Variants in CES1 observed in about 807,000 individuals in gnomAD.
CES1 encodes the protein carboxylesterase 1, also known as liver carboxylesterase 1.
Under a neutral mutation model 53.0 loss-of-function variants are expected in CES1, and 50 were observed. The ratio of observed to expected loss-of-function variants is 0.94; its 90% CI spans 0.75 to 1.19. CES1 has a LOEUF of 1.19. CES1 is among the 50% of genes most tolerant of loss of function. The probability of loss-of-function intolerance (pLI) is 0.00; values close to 1 mark genes in which losing one functional copy is unlikely to be tolerated. For synonymous variants in CES1, 202 were observed against 210.1 expected (o/e 0.96, Z 0.33); for missense variants, 534 against 538.0 (o/e 0.99, Z 0.07).
chr16:55,810,234 T>C (rs1197311165), intron 11 of CES1, among the ~76,000 whole-genome samples: 1 of 152,134 alleles, frequency 6.6e-6, no homozygotes, highest in Non-Finnish European at 1.5e-5. Flanking sequence ...CAACGCATCT[T>C]GGATTGGATT....
At chr16:55,810,431 C>T (rs2031634346) in intron 11 of CES1, 86 bp downstream of exon 11, 27 of 1,557,164 alleles carry the variant, frequency 1.7e-5, no homozygotes, top group Non-Finnish European at 2.4e-5. Context: ...CAGCTGTTTC[C>T]ATGTCTGTCT....
chr16:55,830,821 G>GGAAGGTAA (rs1567509502), intron 1 of CES1, among the ~76,000 whole-genome samples: 6 of 133,446 alleles, frequency 4.5e-5, no homozygotes, highest in South Asian at 2.4e-4. Flanking sequence ...AAGGAAGGAA[G>GGAAGGTAA]GCAGGCAGGC....
At chr16:55,820,072 T>C in intron 6 of CES1, 1 of 590,978 alleles carries the variant, frequency 1.7e-6, no homozygotes, top group South Asian at 2.0e-5. Context: ...ATAGGAGGAG[T>C]GTGGTCACAG....
At chr16:55,831,809 C>T (rs1383323521) in intron 1 of CES1, among the ~76,000 whole-genome samples, 1 of 151,686 alleles carries the variant, frequency 6.6e-6, no homozygotes, top group Admixed American at 6.6e-5. Context: ...GACCCAGAGA[C>T]AGACCTAGGC....
intron 5 of CES1, among the ~76,000 whole-genome samples, chr16:55,821,114 G>A (rs1299410089): frequency 6.6e-6 from 1 of 151,908 alleles, no homozygotes; most frequent in Non-Finnish European, 1.5e-5. Context: ...GCTGGAAGAG[G>A]AGAATGCCAC....
At chr16:55,812,519 T>C (rs2031743013) in intron 9 of CES1, 5 of 331,650 alleles carry the variant, frequency 1.5e-5, no homozygotes, top group Middle Eastern at 9.6e-4. Context: ...TTCAGGGGAA[T>C]TACGCACACC....
At chr16:55,819,113 GA>G (rs2032065445) in intron 7 of CES1, among the ~76,000 whole-genome samples, 1 of 152,232 alleles carries the variant, frequency 6.6e-6, no homozygotes, top group Non-Finnish European at 1.5e-5. Flanking sequence ...AGAAAATCTA[GA>G]AAACTGGACC....
intron 1 of CES1, among the ~76,000 whole-genome samples, 159 bp from the exon 2 acceptor site, chr16:55,829,133 T>A (rs1409147179): frequency 2.0e-5 from 3 of 152,074 alleles, no homozygotes; most frequent in African/African-American, 7.3e-5. Context: ...ACGATCAATG[T>A]CCTCCCTAAC....
rs1319219188 is a variant in CES1 at position 55,810,931 on chromosome 16, A to G, written c.1166T>C (p.Leu389Pro). ...CCATGATTCCTAGACTCTTACAACA[A>G]GGGGATAGGACTTCCACAGGAGTGA... ...AMSLLWKSYP[L>P]VCIAKELIPE... Residue 389 changes from leucine to proline, a missense_variant, in exon 10 of 14, where the codon CTT becomes CCT. Physicochemically the swap from Leu to Pro is moderately conservative, Grantham distance 98. Coordinates refer to ENST00000360526, the MANE Select transcript of CES1 (RefSeq NM_001025195.2). 2 of 1,613,066 alleles carry G rather than the reference A, an allele frequency of 1.2e-6. No homozygotes were observed. The highest frequency in any genetic ancestry group is 4.5e-5 in the East Asian group (2 of 44,904).
intron 9 of CES1, among the ~76,000 whole-genome samples, chr16:55,811,216 AAAAAAAC>A (rs1454231972): frequency 4.4e-4 from 66 of 151,668 alleles, no homozygotes; most frequent in African/African-American, 1.1e-3. Context: ...TTTACAAAAA[AAAAAAAC>A]AAAAAACAAA....
chr16:55,826,231 T>G lies in CES1; in HGVS notation c.325A>C (p.Ile109Leu). 8 of 1,613,958 alleles carry G rather than the reference T, an allele frequency of 5.0e-6. No individual in the cohort carries two copies. The highest frequency in any genetic ancestry group is 1.3e-5 in the African/African-American group (1 of 75,032). The part of the protein sequence containing the change: ...SELFTNRKEN[I>L]PLKLSEDCLY... ...CAGTCTTCAGAAAGCTTGAGAGGAA[T>G]GTTCTCCTTTCGGTTTGTAAATAGC... is the stretch of plus-strand genomic sequence containing the variant. Residue 109 changes from isoleucine (I) to leucine (L), a missense_variant, in exon 3 of 14, where the codon ATT becomes CTT. Physicochemically the swap from Ile to Leu is conservative, Grantham distance 5. Coordinates refer to ENST00000360526, the MANE Select transcript of CES1 (RefSeq NM_001025195.2).
rs8192945 is a variant in CES1 at position 55,817,065 on chromosome 16, C to T, written c.907-103G>A. ...GTGTCAGGTTCTTCCCGCATCACTC[C>T]GTGAATTCGTATATCTATATGTGAC... On this transcript the variant is annotated intron_variant, in intron 7 of 13. Coordinates refer to ENST00000360526, the MANE Select transcript of CES1 (RefSeq NM_001025195.2). 219 of 1,238,238 alleles carry T rather than the reference C, an allele frequency of 1.8e-4. No homozygotes were observed. In the East Asian group the frequency reaches 4.1e-3, roughly 23 times the overall value. 76.7% of individuals were successfully genotyped at this position (1,238,238 alleles called of 1,614,324 possible). A position where few individuals can be genotyped will look rare whatever the true frequency, so the allele number is the denominator to read the frequency against.
Position 55,810,599 on chromosome 16 carries a change from G to C in CES1, c.1236C>G (p.Val412=). The change falls in exon 11 of 14, where the codon GTC becomes GTG. Residue 412 remains valine (V), a synonymous_variant. Transcript: ENST00000360526. The part of the protein sequence containing the change: ...EKYLGGTDDT[V]KKKDLFLDLI... ...AGTCCAGGAACAGGTCTTTCTTTTTGACAGTGTCGTCTGTTCCTCCTAAGT... is the reference window on the plus strand; with the variant it reads ...AGTCCAGGAACAGGTCTTTCTTTTTCACAGTGTCGTCTGTTCCTCCTAAGT... 1.2e-6 allele frequency: 2 copies of C among 1,614,092 alleles called. No individual in the cohort carries two copies. Among genetic ancestry groups the C allele is most frequent in the Non-Finnish European group, 1.7e-6 (2 of 1,179,982 alleles).
Position 55,833,096 on chromosome 16 carries a change from T to C in CES1, c.-41A>G. 5 of 1,514,332 alleles carry C rather than the reference T, an allele frequency of 3.3e-6. 1 individual carries two copies. The highest frequency in any genetic ancestry group is 4.6e-6 in the Non-Finnish European group (5 of 1,094,954). 93.8% of individuals were successfully genotyped at this position (1,514,332 alleles called of 1,614,324 possible). A position where few individuals can be genotyped will look rare whatever the true frequency, so the allele number is the denominator to read the frequency against. The stretch of plus-strand genomic sequence containing the variant: ...GTTCTCGGGGCCTGCGAGGTCTCTG[T>C]GCAGTTCAGAGGGACTGTGCTGTCC... On this transcript the variant is annotated 5_prime_UTR_variant, in exon 1 of 14. Coordinates refer to ENST00000360526, the MANE Select transcript of CES1 (RefSeq NM_001025195.2).
Position 55,822,482 on chromosome 16 carries a change from C to T in CES1, c.540-961G>A, listed in dbSNP as rs529902360. Reference sequence around the variant, plus strand: ...CCAAGGGAGGATGTGGCAGCAGAAGCTGAGTGGAGGCGTGGTGGGAGGAGA... The same window carrying T: ...CCAAGGGAGGATGTGGCAGCAGAAGTTGAGTGGAGGCGTGGTGGGAGGAGA... On this transcript the variant is annotated intron_variant, in intron 4 of 13. Coordinates refer to ENST00000360526, the MANE Select transcript of CES1 (RefSeq NM_001025195.2). Among the ~76,000 whole-genome samples, 4 of 152,240 alleles carry T rather than the reference C, an allele frequency of 2.6e-5. No homozygotes were observed. The East Asian group carries it at 7.7e-4, about 29-fold the overall frequency.
intron 1 of CES1, among the ~76,000 whole-genome samples, chr16:55,832,256 A>C (rs1329282390): frequency 6.6e-6 from 1 of 152,020 alleles, no homozygotes; most frequent in African/African-American, 2.4e-5. Context: ...TCCCCTCCCC[A>C]GGCTCTGCTG....
Position 55,826,277 on chromosome 16 carries a change from C to T in CES1, c.279G>A (p.Lys93=), listed in dbSNP as rs747548915. Residue 93 remains lysine (K), a synonymous_variant, in exon 3 of 14, where the codon AAG becomes AAA. Coordinates refer to ENST00000360526, the MANE Select transcript of CES1 (RefSeq NM_001025195.2). ...SYPPMCTQDP[K]AGQLLSELFT... The stretch of plus-strand genomic sequence containing the variant: ...ATAGCTCTGAGAGTAACTGCCCCGC[C>T]TTGGGATCTTGGGTGCACCTGGGGA... 1.2e-6 allele frequency: 2 copies of T among 1,614,008 alleles called. No homozygotes were observed. Among genetic ancestry groups the T allele is most frequent in the Admixed American group, 1.7e-5 (1 of 60,024 alleles).
chr16:55,814,472 G>A (rs1370759052), intron 8 of CES1, among the ~76,000 whole-genome samples: 13 of 152,288 alleles, frequency 8.5e-5, no homozygotes, highest in East Asian at 5.8e-4. Context: ...CTTACTGGCT[G>A]GGAGTTTCAC....
intron 3 of CES1, among the ~76,000 whole-genome samples, chr16:55,824,668 C>T (rs1229682025): frequency 2.0e-5 from 3 of 152,258 alleles, no homozygotes; most frequent in African/African-American, 7.2e-5. Context: ...GCGCCGGCCA[C>T]AGTGCAGTGA....
Sources: gnomAD v4.1 joint callset for allele counts (sites outside exome capture counted in the v4.1 genomes callset) on GRCh38, gnomAD v4.1.1 for gene constraint, MANE v1.5 for transcripts, NCBI Gene and HGNC (gene_info 2026-07-23, HGNC 2026-07-21) for gene names.